PFKFB3: variants seen among roughly 807,000 people sequenced by gnomAD.
PFKFB3 encodes the protein 6-phosphofructo-2-kinase/fructose-2,6-biphosphatase 3, also known as 6-phosphofructo-2-kinase/fructose-2,6-bisphosphatase 3.
PFKFB3 carries 33 observed loss-of-function variants against 68.0 expected under a neutral mutation model. The ratio of observed to expected loss-of-function variants is 0.49; its 90% CI spans 0.37 to 0.65. The LOEUF (loss-of-function observed/expected upper bound fraction) is 0.65. Among genes scored for constraint, PFKFB3 ranks in the 30% least tolerant of loss-of-function variants. The pLI, the probability that PFKFB3 is intolerant of heterozygous loss-of-function variation, is 0.00. For missense variants in PFKFB3, 586 were observed against 712.2 expected (o/e 0.82, Z 2.02); for synonymous variants, 315 against 288.2 (o/e 1.09, Z -0.94).
chr10:6,229,116 A>G lies in PFKFB3; in HGVS notation c.1515+2751A>G, dbSNP rs749087512. Reference sequence around the variant, plus strand: ...CTTAACTACTTTATGCAGAAACTGGAAAGGTGTGATGAGGAATGCAGCCTG... The same window carrying G: ...CTTAACTACTTTATGCAGAAACTGGGAAGGTGTGATGAGGAATGCAGCCTG... On this transcript the variant is annotated intron_variant, in intron 14 of 14. Transcript: ENST00000379775. The surrounding 1 kb of genome is among the most constrained non-coding windows in gnomAD (Gnocchi z 4.3). 2.3e-5 allele frequency: 12 copies of G among 526,592 alleles called. No individual in the cohort carries two copies. Among genetic ancestry groups the G allele is most frequent in the Non-Finnish European group, 4.3e-5 (11 of 257,164 alleles). 32.6% of individuals were successfully genotyped at this position (526,592 alleles called of 1,614,324 possible).
Position 6,157,622 on chromosome 10 carries a change from A to G in PFKFB3, c.16+12609A>G, listed in dbSNP as rs191244815. ...TGGTCCTCCAAGAATCTCGTCTGCT[A>G]TTGTCACCCCATTTCCCGGGTCCTG... On this transcript the variant is annotated intron_variant, in intron 1 of 14. Transcript: ENST00000379789. 1.0e-3 allele frequency among the ~76,000 whole-genome samples: 153 copies of G among 152,206 alleles called. 1 individual carries two copies. Among genetic ancestry groups the G allele is most frequent in the African/African-American group, 3.6e-3 (149 of 41,508 alleles).
chr10:6,165,280 A>G (rs1842097571), intron 1 of PFKFB3, among the ~76,000 whole-genome samples: 1 of 152,230 alleles, frequency 6.6e-6, no homozygotes, highest in African/African-American at 2.4e-5. Flanking sequence ...CCCTGAATCC[A>G]TTAAACCTTG....
rs559063539 is a variant in PFKFB3 at position 6,228,781 on chromosome 10, G to A, written c.1515+2416G>A. On this transcript the variant is annotated intron_variant, in intron 14 of 14. Transcript: ENST00000379775. The surrounding 1 kb of genome is among the most constrained non-coding windows in gnomAD (Gnocchi z 4.5). ...AGAGCTCCGAGTGGAGACCCTTGGG[G>A]ATCCGTTTGTCCTGGGTTGGAGCCT... Among the ~76,000 whole-genome samples the A allele has an allele frequency of 1.3e-5, 2 of 152,328 alleles. No homozygotes were observed. The highest frequency in any genetic ancestry group is 4.8e-5 in the African/African-American group (2 of 41,558).
intron 1 of PFKFB3, among the ~76,000 whole-genome samples, chr10:6,168,084 G>C (rs574771703): frequency 4.6e-5 from 7 of 152,144 alleles, no homozygotes; most frequent in Non-Finnish European, 8.8e-5. Flanking sequence ...TAACCATTTA[G>C]GGACAGGTTA....
At chr10:6,230,072 A>C (rs569339448) in intron 14 of PFKFB3, among the ~76,000 whole-genome samples, 22 of 152,300 alleles carry the variant, frequency 1.4e-4, no homozygotes, top group African/African-American at 4.1e-4. Context: ...TTCTACTGGG[A>C]GGAGCCATTC....
At chr10:6,255,875 C>T (rs1384048688), downstream of PFKFB3, among the ~76,000 whole-genome samples, 1 of 152,210 alleles carries the variant, frequency 6.6e-6, no homozygotes, top group African/African-American at 2.4e-5. Flanking sequence ...ATTCTATCAT[C>T]ATTATCCTGG....
the PFKFB3 span, among the ~76,000 whole-genome samples, chr10:6,271,781 G>C: frequency 1.3e-5 from 2 of 152,246 alleles, no homozygotes; most frequent in African/African-American, 4.8e-5. Flanking sequence ...GTGGAGGGTG[G>C]AGCCTATGGG....
chr10:6,209,887 C>T (rs188795740), intron 1 of PFKFB3, among the ~76,000 whole-genome samples: 1,867 of 151,784 alleles, frequency 0.012, 26 homozygotes, highest in Non-Finnish European at 0.018. Flanking sequence ...GGCTTAGCCT[C>T]CTGAGTAGCT....
intron 14 of PFKFB3, among the ~76,000 whole-genome samples, chr10:6,227,017 C>T (rs539305804): frequency 2.4e-4 from 37 of 151,812 alleles, no homozygotes; most frequent in East Asian, 1.2e-3. Flanking sequence ...ACCCAGGAGG[C>T]GGAGGTTGCA....
chr10:6,182,566 C>T (rs950949323), intron 1 of PFKFB3, among the ~76,000 whole-genome samples: 1 of 152,254 alleles, frequency 6.6e-6, no homozygotes, highest in Admixed American at 6.5e-5. Context: ...TGTTTCATCA[C>T]AAGTGCAAAG....
the PFKFB3 span, among the ~76,000 whole-genome samples, chr10:6,267,946 C>A: frequency 1.0e-4 from 10 of 96,306 alleles, no homozygotes; most frequent in South Asian, 3.6e-3. Flanking sequence ...CAGAGCGAGA[C>A]CCTATCTCAA....
chr10:6,266,142 C>T, the PFKFB3 span, among the ~76,000 whole-genome samples: 1 of 152,152 alleles, frequency 6.6e-6, no homozygotes, highest in Non-Finnish European at 1.5e-5. Context: ...CTCTTGGGCT[C>T]AAGTGATCCT....
the PFKFB3 span, among the ~76,000 whole-genome samples, chr10:6,289,251 A>G: frequency 6.7e-6 from 1 of 149,592 alleles, no homozygotes; most frequent in East Asian, 2.0e-4. Context: ...GCCATTGCTT[A>G]TGGTGTTTTA....
chr10:6,320,461 CTT>C, the PFKFB3 span, among the ~76,000 whole-genome samples: 4 of 145,486 alleles, frequency 2.7e-5, no homozygotes, highest in African/African-American at 5.0e-5. Flanking sequence ...TCTTCTTCTT[CTT>C]TTTTTTTTTT....
chr10:6,238,375 G>A (rs1846066947), downstream of PFKFB3, among the ~76,000 whole-genome samples: 1 of 150,986 alleles, frequency 6.6e-6, no homozygotes, highest in South Asian at 2.1e-4. Flanking sequence ...ATGTTTGTCA[G>A]GCTGGTCTTG....
chr10:6,170,664 G>C (rs552498258), intron 1 of PFKFB3, among the ~76,000 whole-genome samples: 2 of 152,168 alleles, frequency 1.3e-5, no homozygotes, highest in African/African-American at 4.8e-5. Context: ...TAGAGGGTGG[G>C]GACAGTGTGG....
At chr10:6,158,990 G>A (rs1841891505) in intron 1 of PFKFB3, among the ~76,000 whole-genome samples, 1 of 152,098 alleles carries the variant, frequency 6.6e-6, no homozygotes, top group South Asian at 2.1e-4. Context: ...CAGCACAAAT[G>A]CACTTTGACA....
chr10:6,254,848 C>T (rs1179332696), downstream of PFKFB3, among the ~76,000 whole-genome samples: 4 of 102,134 alleles, frequency 3.9e-5, no homozygotes, highest in African/African-American at 1.5e-4. Context: ...GAAAGAATCT[C>T]GCTCTGTCAC....
intron 1 of PFKFB3, among the ~76,000 whole-genome samples, chr10:6,212,442 A>G (rs1844291469): frequency 6.6e-6 from 1 of 152,186 alleles, no homozygotes; most frequent in South Asian, 2.1e-4. Flanking sequence ...GAGCATCTCC[A>G]GGTTTCCTGG....
Sources: gnomAD v4.1 joint callset for allele counts (sites outside exome capture counted in the v4.1 genomes callset) on GRCh38, gnomAD v4.1.1 for gene constraint, Gnocchi (gnomAD v3.1) non-coding constraint, MANE v1.5 for transcripts, NCBI Gene and HGNC (gene_info 2026-07-23, HGNC 2026-07-21) for gene names.